GNB5: variants seen among roughly 807,000 people sequenced by gnomAD.
The protein encoded by GNB5 is G protein subunit beta 5, also known as guanine nucleotide-binding protein subunit beta-5.
Under a neutral mutation model 55.3 loss-of-function variants are expected in GNB5, and 37 were observed. The ratio of observed to expected loss-of-function variants is 0.67; its 90% CI spans 0.51 to 0.88. The LOEUF is 0.88. Among genes scored for constraint, GNB5 ranks in the 40% least tolerant of loss-of-function variants. The pLI, the probability that GNB5 is intolerant of heterozygous loss-of-function variation, is 0.00. For synonymous variants in GNB5, 219 were observed against 198.5 expected, an observed-to-expected ratio of 1.10 and a Z score of -0.87; for missense variants, 476 against 515.3, an observed-to-expected ratio of 0.92 and a Z score of 0.74.
chr15:52,169,461 C>T (rs1210934476), intron 3 of GNB5, among the ~76,000 whole-genome samples: 1 of 145,264 alleles, frequency 6.9e-6, no homozygotes, highest in African/African-American at 2.5e-5. Flanking sequence ...GAGCCTGAAC[C>T]CAGGAGGCGG....
At chr15:52,133,231 C>T (rs1027068470) in intron 9 of GNB5, 147 bp downstream of exon 9, 3 of 598,880 alleles carry the variant, frequency 5.0e-6, no homozygotes, top group East Asian at 5.6e-5. Flanking sequence ...GAGCACTGTT[C>T]AGTTCCACCA....
At chr15:52,190,778 T>TAAAAAAAAAAAAAAA (rs58614125) in intron 1 of GNB5, among the ~76,000 whole-genome samples, 7 of 96,934 alleles carry the variant, frequency 7.2e-5, no homozygotes, top group African/African-American at 3.1e-4. Flanking sequence ...CTTATTTCCT[T>TAAAAAAAAAAAAAAA]AAAAAAAAAA....
At chr15:52,146,736 ATTTTTTTT>A (rs60737688) in intron 6 of GNB5, among the ~76,000 whole-genome samples, 1 of 110,918 alleles carries the variant, frequency 9.0e-6, no homozygotes, top group Non-Finnish European at 1.9e-5. Context: ...AGCTAATTAG[ATTTTTTTT>A]TTTTTTTTTT....
rs774326171 is a variant in GNB5 at position 52,149,785 on chromosome 15, G to C, written c.417+99C>G. 4 of 859,754 alleles carry C rather than the reference G, an allele frequency of 4.7e-6. No homozygotes were observed. The African/African-American group carries it at 6.6e-5, about 14-fold the overall frequency. The allele number at this position is 859,754 out of a possible 1,614,324, so 53.3% of individuals were successfully genotyped here. On this transcript the variant is annotated intron_variant, in intron 5 of 12. Coordinates refer to ENST00000261837, the MANE Select transcript of GNB5 (RefSeq NM_016194.4). ...GAGGCAACTGCTTGCAGGGATACAT[G>C]GAGAGAAATCAGGACAGGGCCGGGC...
chr15:52,165,908 C>A (rs1351649124), intron 3 of GNB5, among the ~76,000 whole-genome samples: 2 of 152,038 alleles, frequency 1.3e-5, no homozygotes, highest in East Asian at 1.9e-4. Context: ...CAAGCTGGAT[C>A]GAGTCCAGAC....
At chr15:52,127,196 T>C (rs1347897106) in intron 10 of GNB5, among the ~76,000 whole-genome samples, 1 of 152,202 alleles carries the variant, frequency 6.6e-6, no homozygotes, top group Non-Finnish European at 1.5e-5. Flanking sequence ...AGGCTCCCCA[T>C]CAACCCAACC....
At chr15:52,127,350 G>C (rs930418082) in intron 10 of GNB5, among the ~76,000 whole-genome samples, 20 of 152,122 alleles carry the variant, frequency 1.3e-4, no homozygotes, top group African/African-American at 4.8e-4. Flanking sequence ...CTTTGTAAAT[G>C]ACCTGCATTT....
At chr15:52,158,608 G>A (rs2034265258) in intron 3 of GNB5, among the ~76,000 whole-genome samples, 1 of 151,646 alleles carries the variant, frequency 6.6e-6, no homozygotes, top group African/African-American at 2.4e-5. Flanking sequence ...GGCACACACA[G>A]GGTTTCAGAC....
chr15:52,181,071 G>C (rs2034760842), intron 2 of GNB5: 1 of 152,202 alleles, frequency 6.6e-6, no homozygotes, highest in Non-Finnish European at 1.5e-5. Context: ...GCAGATCAAA[G>C]TTACAGATGC....
rs768962220 is a variant in GNB5, at chr15:52,122,773, G to T, written c.1177-5C>A. ...AGAAGATGATTAGGCCCAGACCTGT[G>T]AAGACACAAACAGATAGTTTTTAGA... On this transcript the variant is annotated splice_polypyrimidine_tract_variant and splice_region_variant and intron_variant, in intron 12 of 12. Coordinates refer to ENST00000261837, the MANE Select transcript of GNB5 (RefSeq NM_016194.4). 2 of 1,603,740 alleles carry T rather than the reference G, an allele frequency of 1.2e-6. No homozygotes were observed. The highest frequency in any genetic ancestry group is 1.7e-6 in the Non-Finnish European group (2 of 1,170,450).
intron 3 of GNB5, among the ~76,000 whole-genome samples, chr15:52,170,300 G>A (rs2034532250): frequency 1.3e-5 from 2 of 152,168 alleles, no homozygotes; most frequent in Admixed American, 6.5e-5. Context: ...TATCAAAGAT[G>A]TGAAATGAAC....
In GNB5 at chr15:52,122,781, A is replaced by T; in HGVS notation, c.1177-13T>A. On this transcript the variant is annotated splice_polypyrimidine_tract_variant and intron_variant, in intron 12 of 12. Transcript: ENST00000261837. The stretch of plus-strand genomic sequence containing the variant: ...ATTAGGCCCAGACCTGTGAAGACAC[A>T]AACAGATAGTTTTTAGACCTTTGTA... The T allele has an allele frequency of 6.2e-7, 1 of 1,600,800 alleles. No homozygotes were observed. The highest frequency in any genetic ancestry group is 8.6e-7 in the Non-Finnish European group (1 of 1,167,740).
Position 52,121,552 on chromosome 15 carries a change from T to C in GNB5, c.*1205A>G, listed in dbSNP as rs1479393748. ...TAAGAGGAGCAGACGTTATTATTCA[T>C]GACTATCAATCAATCTGCATATGTA... On this transcript the variant is annotated 3_prime_UTR_variant, in exon 13 of 13. Coordinates refer to ENST00000261837, the MANE Select transcript of GNB5 (RefSeq NM_016194.4). 6.6e-6 allele frequency: 1 copy of C among 152,138 alleles called. No homozygotes were observed. Among genetic ancestry groups the C allele is most frequent in the African/African-American group, 2.4e-5 (1 of 41,440 alleles). 9.4% of individuals were successfully genotyped at this position (152,138 alleles called of 1,614,324 possible). A position where few individuals can be genotyped will look rare whatever the true frequency, so the allele number is the denominator to read the frequency against.
chr15:52,149,688 G>A, intron 5 of GNB5, 196 bp downstream of exon 5: 1 of 659,532 alleles, frequency 1.5e-6, no homozygotes, highest in Non-Finnish European at 2.8e-6. Context: ...GGGGCGAGAG[G>A]GGAATAAATG....
intron 3 of GNB5, among the ~76,000 whole-genome samples, chr15:52,154,923 G>T (rs2034175570): frequency 1.3e-5 from 2 of 152,328 alleles, no homozygotes; most frequent in South Asian, 4.1e-4. Flanking sequence ...TGAGGCCAAG[G>T]GCAGGCTTTC....
At chr15:52,124,005 C>CAAAAAAA (rs56008657) in intron 12 of GNB5, among the ~76,000 whole-genome samples, 2 of 84,412 alleles carry the variant, frequency 2.4e-5, no homozygotes, top group Non-Finnish European at 2.4e-5. Context: ...ATAGAAAAAC[C>CAAAAAAA]AAAAAAAAAA....
intron 5 of GNB5, chr15:52,149,258 A>C (rs940917935): frequency 6.5e-6 from 1 of 152,926 alleles, no homozygotes; most frequent in African/African-American, 2.4e-5. Context: ...AGGCTTTCTA[A>C]ATAAATATAG....
chr15:52,188,267 C>T (rs1305560959), intron 1 of GNB5, among the ~76,000 whole-genome samples: 1 of 152,150 alleles, frequency 6.6e-6, no homozygotes, highest in Non-Finnish European at 1.5e-5. Context: ...TTTTAGACCT[C>T]ACTGGTTAAA....
In GNB5 at chr15:52,181,842, T is replaced by C. The variant is rs1403025079; in HGVS notation, c.127-1963A>G. On this transcript the variant is annotated intron_variant, in intron 2 of 12. Coordinates refer to ENST00000261837, the MANE Select transcript of GNB5 (RefSeq NM_016194.4). ...TTAATGCTAGTTTATTAAATGGATG[T>C]ATAAAAAATATATAAAATATATAAA... Among the ~76,000 whole-genome samples, 4 of 151,990 alleles carry C rather than the reference T, an allele frequency of 2.6e-5. No homozygotes were observed. In the East Asian group the frequency reaches 7.7e-4, roughly 29 times the overall value.
Sources: allele counts gnomAD v4.1 joint callset (sites outside exome capture counted in the v4.1 genomes callset), GRCh38; gene constraint gnomAD v4.1.1; transcripts MANE v1.5; gene names NCBI Gene and HGNC (gene_info 2026-07-23, HGNC 2026-07-21).